CNOT8: variants seen among roughly 807,000 people sequenced by gnomAD.
The protein encoded by CNOT8 is CCR4-NOT transcription complex subunit 8, also known as CAF1-like protein.
A neutral mutation model predicts 34.6 loss-of-function variants in CNOT8; 18 were observed. The observed-to-expected ratio is 0.52, with a 90% CI of 0.36 to 0.77. The LOEUF (loss-of-function observed/expected upper bound fraction) is 0.77, where lower values mean the gene tolerates loss of function less well. Ranked by LOEUF, CNOT8 falls within the 30% of genes least tolerant of loss-of-function variation. The pLI is 0.00. For synonymous variants in CNOT8, 101 were observed against 118.8 expected, an observed-to-expected ratio of 0.85 and a Z score of 0.98; for missense variants, 189 against 347.9, an observed-to-expected ratio of 0.54 and a Z score of 3.63.
Position 154,876,041 on chromosome 5 carries a change from G to C in CNOT8, c.*602G>C, listed in dbSNP as rs1452240962. 3 of 152,342 alleles carry C rather than the reference G, an allele frequency of 2.0e-5. No individual in the cohort carries two copies. Among genetic ancestry groups the C allele is most frequent in the African/African-American group, 7.2e-5 (3 of 41,448 alleles). The allele number at this position is 152,342 out of a possible 1,614,324, so 9.4% of individuals were successfully genotyped here. On this transcript the variant is annotated 3_prime_UTR_variant, in exon 7 of 7. Coordinates refer to ENST00000285896, the MANE Select transcript of CNOT8 (RefSeq NM_001301073.2). ...GCTCTGTGCTGAAATTTGAAGACCA[G>C]ATAATGAAACTGAAAAGCAAACAAT...
chr5:154,875,237 T>G (rs72799503), intron 6 of CNOT8, 53 bp from the exon 7 acceptor site: 2 of 1,590,006 alleles, frequency 1.3e-6, no homozygotes, highest in Non-Finnish European at 1.7e-6. Flanking sequence ...ATATTTATAC[T>G]TGTCATGACT....
At chr5:154,865,449 T>C in intron 3 of CNOT8, 64 bp downstream of exon 3, 1 of 1,229,476 alleles carries the variant, frequency 8.1e-7, no homozygotes, top group South Asian at 1.5e-5. Flanking sequence ...CAGGTGGGTG[T>C]TGGATAGAGC....
chr5:154,866,682 A>T (rs927413136), intron 3 of CNOT8, among the ~76,000 whole-genome samples: 3 of 152,100 alleles, frequency 2.0e-5, no homozygotes, highest in African/African-American at 7.2e-5. Context: ...AGGTGGGTGG[A>T]TCACTGGATC....
chr5:154,860,262 A>G (rs926553059), intron 1 of CNOT8, among the ~76,000 whole-genome samples: 3 of 152,090 alleles, frequency 2.0e-5, no homozygotes, highest in African/African-American at 7.3e-5. Context: ...TGTGCTTACA[A>G]AGTGGAAAGT....
rs1188136881 is a variant in CNOT8 at position 154,858,648 on chromosome 5, C to T, written c.-193C>T. 2 of 152,132 alleles carry T rather than the reference C, an allele frequency of 1.3e-5. No individual in the cohort carries two copies. Among genetic ancestry groups the T allele is most frequent in the Non-Finnish European group, 2.9e-5 (2 of 68,042 alleles). 9.4% of individuals were successfully genotyped at this position (152,132 alleles called of 1,614,324 possible). A position where few individuals can be genotyped will look rare whatever the true frequency, so the allele number is the denominator to read the frequency against. On this transcript the variant is annotated 5_prime_UTR_variant, in exon 1 of 7. Transcript: ENST00000285896. ...GCTCGTTCGGTTCTAGGAGCAGATC[C>T]GGGGTAGAGGGAAAAGAGCTCCGGG...
rs528917203 is a variant in CNOT8, at chr5:154,865,831, CAT to C, written c.311+448_311+449del. Among the ~76,000 whole-genome samples the C allele has an allele frequency of 6.6e-5, 10 of 152,316 alleles. No homozygotes were observed. The South Asian group carries it at 2.1e-3, about 32-fold the overall frequency. ...TTTTGCAGTTCCTGAAAAGGTTAAA[CAT>C]AGAGTTGCCATATGACCTAGCAATT... is the stretch of plus-strand genomic sequence containing the variant. On this transcript the variant is annotated intron_variant, in intron 3 of 6. Coordinates refer to ENST00000285896, the MANE Select transcript of CNOT8 (RefSeq NM_001301073.2).
chr5:154,875,497 G>A lies in CNOT8; in HGVS notation c.*58G>A. ...CAGAGTGGTGCTTACTGTGCTGACT[G>A]TGTACTTATCTTCCCCAAGAGAAAA... On this transcript the variant is annotated 3_prime_UTR_variant, in exon 7 of 7. Transcript: ENST00000285896. The A allele has an allele frequency of 1.3e-6, 2 of 1,580,962 alleles. No individual in the cohort carries two copies. Among genetic ancestry groups the A allele is most frequent in the South Asian group, 2.3e-5 (2 of 88,078 alleles).
upstream of CNOT8, chr5:154,858,362 A>C: frequency 6.6e-6 from 1 of 151,846 alleles, no homozygotes; most frequent in East Asian, 1.9e-4. Context: ...CCAGGCCTCC[A>C]CTCCCCACCT....
At chr5:154,871,618 G>T in intron 4 of CNOT8, 112 bp from the exon 5 acceptor site, 6 of 641,100 alleles carry the variant, frequency 9.4e-6, no homozygotes, top group Non-Finnish European at 1.0e-5. Context: ...CTCAGAAAAA[G>T]TGAAAGTTCC....
Position 154,872,630 on chromosome 5 carries a change from G to A in CNOT8, c.708G>A (p.Met236Ile). The change falls in exon 6 of 7, where the codon ATG becomes ATA. Residue 236 changes from methionine (M) to isoleucine (I), a missense_variant. This residue lies in a region of CNOT8 where 160 missense variants were observed against 321.9 expected (regional missense o/e 0.50). Coordinates refer to ENST00000285896, the MANE Select transcript of CNOT8 (RefSeq NM_001301073.2). ...QAGSDSLLTG[M>I]AFFRMKELFF... ...GCTCAGACTCACTGCTGACAGGAAT[G>A]GCTTTCTTTAGGATGAAAGAGGTAA... The A allele has an allele frequency of 1.2e-6, 2 of 1,612,682 alleles. No individual in the cohort carries two copies. Among genetic ancestry groups the A allele is most frequent in the Non-Finnish European group, 1.7e-6 (2 of 1,179,142 alleles).
chr5:154,860,760 G>C (rs1461268926), intron 1 of CNOT8, among the ~76,000 whole-genome samples: 3 of 152,152 alleles, frequency 2.0e-5, no homozygotes, highest in Non-Finnish European at 4.4e-5. Flanking sequence ...CTTCCCCACA[G>C]ATCCTAGCTA....
upstream of CNOT8, chr5:154,858,402 T>TGCGCGCTGCTTCCC (rs1760993084): frequency 6.6e-6 from 1 of 152,230 alleles, no homozygotes; most frequent in Non-Finnish European, 1.5e-5. Flanking sequence ...CTTCTGCTCC[T>TGCGCGCTGCTTCCC]GCGCGCTGCT....
chr5:154,874,852 GT>G (rs908281259), intron 6 of CNOT8, among the ~76,000 whole-genome samples: 2 of 151,292 alleles, frequency 1.3e-5, no homozygotes, highest in African/African-American at 2.4e-5. Context: ...TATACTATTA[GT>G]TTTTTTTTCT....
At chr5:154,871,599 G>A (rs1762487913) in intron 4 of CNOT8, 131 bp from the exon 5 acceptor site, 3 of 493,842 alleles carry the variant, frequency 6.1e-6, no homozygotes, top group South Asian at 2.2e-5. Flanking sequence ...ATTATAGTAC[G>A]ATAAACTACT....
chr5:154,872,716 T>C, intron 6 of CNOT8, 65 bp downstream of exon 6: 1 of 860,352 alleles, frequency 1.2e-6, no homozygotes, highest in Non-Finnish European at 1.9e-6. Flanking sequence ...AAGGAGGTAG[T>C]GGATGGTCTG....
At chr5:154,869,227 C>T (rs1762220476) in intron 3 of CNOT8, among the ~76,000 whole-genome samples, 1 of 151,990 alleles carries the variant, frequency 6.6e-6, no homozygotes, top group African/African-American at 2.4e-5. Context: ...TCAAGCGATT[C>T]TCCAACCTCA....
chr5:154,872,686 G>A (rs778364253), intron 6 of CNOT8, 35 bp downstream of exon 6: 3 of 1,341,688 alleles, frequency 2.2e-6, no homozygotes, highest in Admixed American at 3.6e-5. Flanking sequence ...AGGCCTCTCG[G>A]CAGTAACTTG....
At position 154,870,830 on chromosome 5, in the gene CNOT8, C is replaced by A; in HGVS notation, c.473+8C>A. 1 of 1,600,200 alleles carries A rather than the reference C, an allele frequency of 6.2e-7. No homozygotes were observed. Among genetic ancestry groups the A allele is most frequent in the South Asian group, 1.1e-5 (1 of 88,708 alleles). ...ATGGCTTTCATTTCATAGGTCAGTCCTAGGGAATGTGTATTTCTCTCTCAC... is the reference window on the plus strand; with the variant it reads ...ATGGCTTTCATTTCATAGGTCAGTCATAGGGAATGTGTATTTCTCTCTCAC... On this transcript the variant is annotated splice_region_variant and intron_variant, in intron 4 of 6. Coordinates refer to ENST00000285896, the MANE Select transcript of CNOT8 (RefSeq NM_001301073.2).
rs1761776831 is a variant in CNOT8, at chr5:154,865,470, AG to A, written c.311+87del. The A allele has an allele frequency of 6.0e-6, 5 of 827,570 alleles. No individual in the cohort carries two copies. In the East Asian group the frequency reaches 1.4e-4, roughly 24 times the overall value. 51.3% of individuals were successfully genotyped at this position (827,570 alleles called of 1,614,324 possible). A position where few individuals can be genotyped will look rare whatever the true frequency, so the allele number is the denominator to read the frequency against. On this transcript the variant is annotated intron_variant, in intron 3 of 6. Coordinates refer to ENST00000285896, the MANE Select transcript of CNOT8 (RefSeq NM_001301073.2). Reference sequence around the variant, plus strand: ...GGTGTTGGATAGAGCGGTCAAGCAGAGGACGGAACAGGGAATCTCAGCAAGT... The same window carrying A: ...GGTGTTGGATAGAGCGGTCAAGCAGAGACGGAACAGGGAATCTCAGCAAGT...
Sources: gnomAD v4.1 joint callset for allele counts (sites outside exome capture counted in the v4.1 genomes callset) on GRCh38, gnomAD v4.1.1 for gene constraint, gnomAD v4.1.1 regional missense constraint, MANE v1.5 for transcripts, NCBI Gene and HGNC (gene_info 2026-07-23, HGNC 2026-07-21) for gene names.